TBX3: variants seen among roughly 807,000 people sequenced by gnomAD.
TBX3 encodes T-box transcription factor 3, also known as T-box transcription factor TBX3.
In TBX3, 11 loss-of-function variants were observed where a neutral mutation model predicts 47.8. That is an observed-to-expected ratio of 0.23 (90% CI 0.14 to 0.38). The LOEUF (loss-of-function observed/expected upper bound fraction) is 0.38. Ranked by LOEUF, TBX3 falls within the 10% of genes least tolerant of loss-of-function variation. The pLI, the probability that TBX3 is intolerant of heterozygous loss-of-function variation, is 1.00. For missense variants in TBX3, 927 were observed against 1,022.8 expected (o/e 0.91, Z 1.28); for synonymous variants, 500 against 449.3 (o/e 1.11, Z -1.43).
Position 114,683,161 on chromosome 12 carries a change from T to C in TBX3, c.40A>G (p.Ser14Gly). The C allele has an allele frequency of 6.2e-7, 1 of 1,612,472 alleles. No individual in the cohort carries two copies. The highest frequency in any genetic ancestry group is 8.5e-7 in the Non-Finnish European group (1 of 1,179,604). The change falls in exon 1 of 7, where the codon AGC becomes GGC. Residue 14 changes from serine to glycine, a missense_variant. Coordinates refer to ENST00000349155, the MANE Select transcript of TBX3 (RefSeq NM_005996.4). The surrounding 1 kb of genome is among the most constrained non-coding windows in gnomAD (Gnocchi z 7.7). Reference protein sequence around the residue: ...SMRDPVIPGTSMAYHPFLPHR... With the variant: ...SMRDPVIPGTGMAYHPFLPHR... Reference sequence around the variant, plus strand: ...GGTAGGAACGGATGGTAGGCCATGCTTGTCCCAGGAATGACCGGATCTCTC... The same window carrying C: ...GGTAGGAACGGATGGTAGGCCATGCCTGTCCCAGGAATGACCGGATCTCTC...
In TBX3 at chr12:114,683,632, A is replaced by T. The variant is rs1869051137; in HGVS notation, c.-432T>A. ...TCCAGCCCCTAGGTCTTTTGTTGCA[A>T]ATGTGAAAGGTTCTCCTAGAAGACT... On this transcript the variant is annotated 5_prime_UTR_variant, in exon 1 of 7. In the 5' UTR this introduces an upstream ATG that the reference lacks. Transcript: ENST00000349155. This position sits in a 1 kb window ranked among gnomAD's most constrained non-coding sequence, Gnocchi z 7.7. The T allele has an allele frequency of 4.2e-6, 1 of 235,884 alleles. No individual in the cohort carries two copies. Among genetic ancestry groups the T allele is most frequent in the South Asian group, 1.7e-4 (1 of 5,996 alleles). 14.6% of individuals were successfully genotyped at this position (235,884 alleles called of 1,614,324 possible).
intron 3 of TBX3, 24 bp downstream of exon 3, chr12:114,679,481 A>G (rs753615454): frequency 1.2e-6 from 2 of 1,614,180 alleles, no homozygotes; most frequent in Non-Finnish European, 1.7e-6. Flanking sequence ...ATCACCATTA[A>G]AAAGGAAAGC....
In TBX3 at chr12:114,672,290, A is replaced by T; in HGVS notation, c.1723T>A (p.Ser575Thr). 6.4e-7 allele frequency: 1 copy of T among 1,563,704 alleles called. No individual in the cohort carries two copies. The highest frequency in any genetic ancestry group is 8.7e-7 in the Non-Finnish European group (1 of 1,155,718). Residue 575 changes from serine (S) to threonine (T), a missense_variant, in exon 7 of 7, where the codon TCC becomes ACC. By Grantham distance (58) the Ser-to-Thr change is moderately conservative (BLOSUM62 1). Around this residue, in one of 5 missense-constraint regions of TBX3, gnomAD observed 623 missense variants for 569.0 expected, o/e 1.09. Transcript: ENST00000349155. ...TAAGGGAACAGGCTTCCGAAAGGGG[A>T]CATGGCCAGGCCCTGGGGTGAGAAA... Reference protein sequence around the residue: ...HVLASQGLAMSPFGSLFPYPY... With the variant: ...HVLASQGLAMTPFGSLFPYPY...
At position 114,682,970 on chromosome 12, in the gene TBX3, C is replaced by A. The variant is rs762341478; in HGVS notation, c.231G>T (p.Pro77=). The A allele has an allele frequency of 4.2e-5, 67 of 1,614,032 alleles. No individual in the cohort carries two copies. Among genetic ancestry groups the A allele is most frequent in the Non-Finnish European group, 5.3e-5 (63 of 1,180,038 alleles). The part of the protein sequence containing the change: ...QLVGAAETGI[P]FSSLGPQAHL... ...GCGCCTGGGGCCCCAGGGAGGAGAACGGGATGCCGGTCTCGGCCGCCCCCA... is the reference window on the plus strand; with the variant it reads ...GCGCCTGGGGCCCCAGGGAGGAGAAAGGGATGCCGGTCTCGGCCGCCCCCA... Residue 77 remains proline, a synonymous_variant, in exon 1 of 7, where the codon CCG becomes CCT. Transcript: ENST00000349155.
chr12:114,671,877 T>A lies in TBX3; in HGVS notation c.2136A>T (p.Glu712Asp). 2 of 1,562,882 alleles carry A rather than the reference T, an allele frequency of 1.3e-6. No individual in the cohort carries two copies. Among genetic ancestry groups the A allele is most frequent in the Non-Finnish European group, 1.7e-6 (2 of 1,154,610 alleles). The change falls in exon 7 of 7, where the codon GAA becomes GAT. Residue 712 changes from glutamate (E) to aspartate (D), a missense_variant. Glu to Asp is a conservative substitution (Grantham distance 45, BLOSUM62 2). This residue lies in a region of TBX3 where 623 missense variants were observed against 569.0 expected (regional missense o/e 1.09). Coordinates refer to ENST00000349155, the MANE Select transcript of TBX3 (RefSeq NM_005996.4). The part of the protein sequence containing the change: ...QSIQRLVSGL[E>D]AKPDRSRSAS... ...CGCTGCGGGACCTGTCCGGCTTGGC[T>A]TCCAAGCCGCTAACCAACCGCTGGA...
intron 6 of TBX3, among the ~76,000 whole-genome samples, chr12:114,673,049 T>C (rs1426292067): frequency 1.3e-5 from 2 of 152,246 alleles, no homozygotes; most frequent in African/African-American, 4.8e-5. Context: ...GCATTTAAGA[T>C]GCAGGCACCC....
rs142466863 is a variant in TBX3, at chr12:114,673,294, A to G, written c.1710+871T>C. On this transcript the variant is annotated intron_variant, in intron 6 of 6. Coordinates refer to ENST00000349155, the MANE Select transcript of TBX3 (RefSeq NM_005996.4). ...TGGCGCAGGGAAGGGAGACCAGACG[A>G]ATGTGCTCAGACAAAACAAAAGGCA... Among the ~76,000 whole-genome samples, 1,033 of 152,326 alleles carry G rather than the reference A, an allele frequency of 6.8e-3. 11 individuals carry two copies. Among genetic ancestry groups the G allele is most frequent in the African/African-American group, 0.023 (949 of 41,586 alleles).
At position 114,680,721 on chromosome 12, in the gene TBX3, G is replaced by A. The variant is rs578212101; in HGVS notation, c.657+158C>T. 364 of 1,111,314 alleles carry A rather than the reference G, an allele frequency of 3.3e-4. 1 individual carries two copies. The highest frequency in any genetic ancestry group is 5.7e-4 in the South Asian group (44 of 77,078). 68.8% of individuals were successfully genotyped at this position (1,111,314 alleles called of 1,614,324 possible). On this transcript the variant is annotated intron_variant, in intron 2 of 6. Transcript: ENST00000349155. ...AACGCCAGGCCTTCCATTATTTGGA[G>A]AGAAACACCCCGAATCCTTTTTCCA... is the stretch of plus-strand genomic sequence containing the variant.
In TBX3 at chr12:114,672,162, C is replaced by T; in HGVS notation, c.1851G>A (p.Arg617=). The T allele has an allele frequency of 6.4e-7, 1 of 1,570,794 alleles. No individual in the cohort carries two copies. Among genetic ancestry groups the T allele is most frequent in the Non-Finnish European group, 8.6e-7 (1 of 1,158,788 alleles). ...PFLNLNTMRP[R]LRYSPYSIPV... ...GGATGGAGTAGGGGCTGTAGCGCAGCCGCGGGCGCATGGTGTTCAGATTGA... is the reference window on the plus strand; with the variant it reads ...GGATGGAGTAGGGGCTGTAGCGCAGTCGCGGGCGCATGGTGTTCAGATTGA... The change falls in exon 7 of 7, where the codon CGG becomes CGA. Residue 617 remains arginine (R), a synonymous_variant. Transcript: ENST00000349155.
In TBX3 at chr12:114,683,809, T is replaced by C. The variant is rs1315887925; in HGVS notation, c.-609A>G. ...CTCCTTTAAAAAAAAAAAAATCTGA[T>C]TTAAACCCCCTTCTACCAGCGCTAT... On this transcript the variant is annotated 5_prime_UTR_variant, in exon 1 of 7. Coordinates refer to ENST00000349155, the MANE Select transcript of TBX3 (RefSeq NM_005996.4). The surrounding 1 kb of genome is among the most constrained non-coding windows in gnomAD (Gnocchi z 7.7). 4.3e-6 allele frequency: 1 copy of C among 230,072 alleles called. No individual in the cohort carries two copies. Among genetic ancestry groups the C allele is most frequent in the Non-Finnish European group, 8.6e-6 (1 of 116,422 alleles). The allele number at this position is 230,072 out of a possible 1,614,324, so 14.3% of individuals were successfully genotyped here.
At position 114,683,349 on chromosome 12, in the gene TBX3, GAAA is replaced by G; in HGVS notation, c.-152_-150del. On this transcript the variant is annotated 5_prime_UTR_variant, in exon 1 of 7. Transcript: ENST00000349155. This position sits in a 1 kb window ranked among gnomAD's most constrained non-coding sequence, Gnocchi z 7.7. ...AAGAAAGAAAAAAGAAAAGGAGGCA[GAAA>G]TCACAACTAATGCACTTCAAAGGGA... 1 of 1,106,892 alleles carries G rather than the reference GAAA, an allele frequency of 9.0e-7. No individual in the cohort carries two copies. Among genetic ancestry groups the G allele is most frequent in the Non-Finnish European group, 1.3e-6 (1 of 788,054 alleles). 68.6% of individuals were successfully genotyped at this position (1,106,892 alleles called of 1,614,324 possible).
At chr12:114,677,681 CAG>C in intron 3 of TBX3, 25 bp from the exon 4 acceptor site, 1 of 1,606,284 alleles carries the variant, frequency 6.2e-7, no homozygotes, top group Non-Finnish European at 8.5e-7. Flanking sequence ...ACAAGCAAGA[CAG>C]AGACATTGTT....
chr12:114,679,087 C>T (rs1362150857), intron 3 of TBX3, among the ~76,000 whole-genome samples: 1 of 152,170 alleles, frequency 6.6e-6, no homozygotes, highest in Admixed American at 6.5e-5. Context: ...CTGGTCTCTA[C>T]TAGGATTCTC....
At chr12:114,679,856 AG>A in intron 2 of TBX3, 1 of 1,594,818 alleles carries the variant, frequency 6.3e-7, no homozygotes, top group Non-Finnish European at 8.6e-7. Flanking sequence ...CAGTTGCCAA[AG>A]GGCCCCCCCC....
In TBX3 at chr12:114,670,950, CTTCT is replaced by C. The variant is rs983405647; in HGVS notation, c.*887_*890del. 9.9e-5 allele frequency: 21 copies of C among 212,164 alleles called. No individual in the cohort carries two copies. Among genetic ancestry groups the C allele is most frequent in the South Asian group, 1.9e-4 (1 of 5,328 alleles). The allele number at this position is 212,164 out of a possible 1,614,324, so 13.1% of individuals were successfully genotyped here. The stretch of plus-strand genomic sequence containing the variant: ...ATAAATACTTTGTCTAATAGTCTCA[CTTCT>C]TTATTATTTTTTTAAAACCTTGTTA... On this transcript the variant is annotated 3_prime_UTR_variant, in exon 7 of 7. Transcript: ENST00000349155.
chr12:114,680,032 C>A lies in TBX3; in HGVS notation c.658-381G>T, dbSNP rs1182794799. The A allele has an allele frequency of 3.8e-5, 60 of 1,571,360 alleles. No homozygotes were observed. In the Admixed American group the frequency reaches 1.0e-3, roughly 26 times the overall value. ...ACAAAATGATTCAGTACTTTAAGCG[C>A]CCACTAATTGACGAGCCCAATCCAC... On this transcript the variant is annotated intron_variant, in intron 2 of 6. Coordinates refer to ENST00000349155, the MANE Select transcript of TBX3 (RefSeq NM_005996.4).
At chr12:114,680,435 T>C in intron 2 of TBX3, 1 of 284,270 alleles carries the variant, frequency 3.5e-6, no homozygotes, top group East Asian at 9.0e-5. Flanking sequence ...GAACGAGTTT[T>C]TAAAAATGTA....
In TBX3 at chr12:114,676,434, A is replaced by G; in HGVS notation, c.918T>C (p.Asp306=). Residue 306 remains aspartate, a synonymous_variant, in exon 5 of 7, where the codon GAT becomes GAC. Transcript: ENST00000349155. ...TCCCATTCTCCTTTTTGTGTCTTTC[A>G]TCAAACACCCTCATGGACTGCAGGG... ...QLTLQSMRVF[D]ERHKKENGTS... 1 of 1,614,228 alleles carries G rather than the reference A, an allele frequency of 6.2e-7. No individual in the cohort carries two copies. The highest frequency in any genetic ancestry group is 1.1e-5 in the South Asian group (1 of 91,088).
At chr12:114,681,281 G>T in intron 1 of TBX3, 135 bp from the exon 2 acceptor site, 1 of 1,270,516 alleles carries the variant, frequency 7.9e-7, no homozygotes, top group Non-Finnish European at 1.1e-6. Flanking sequence ...ACATGTTTCA[G>T]AGTGAGGCAA....
Sources: allele counts gnomAD v4.1 joint callset (sites outside exome capture counted in the v4.1 genomes callset), GRCh38; gene constraint gnomAD v4.1.1; regional missense constraint gnomAD v4.1.1; non-coding constraint Gnocchi (gnomAD v3.1); transcripts MANE v1.5; gene names NCBI Gene and HGNC (gene_info 2026-07-23, HGNC 2026-07-21).